Variants in VEGFC observed in about 807,000 individuals in gnomAD.
VEGFC encodes FLT4 ligand DHM.
VEGFC carries 12 observed loss-of-function variants against 46.1 expected under a neutral mutation model. That is an observed-to-expected ratio of 0.26 (90% CI 0.17 to 0.42). The LOEUF is 0.42. Among genes scored for constraint, VEGFC ranks in the 10% least tolerant of loss-of-function variants. The probability of loss-of-function intolerance (pLI) is 1.00; values close to 1 mark genes in which losing one functional copy is unlikely to be tolerated. For synonymous variants in VEGFC, 232 were observed against 195.5 expected (o/e 1.19, Z -1.56); for missense variants, 488 against 529.4 (o/e 0.92, Z 0.77).
intron 1 of VEGFC, among the ~76,000 whole-genome samples, chr4:176,743,409 T>C (rs1735208687): frequency 6.6e-6 from 1 of 151,804 alleles, no homozygotes; most frequent in African/African-American, 2.4e-5. Context: ...AATAGAATCA[T>C]AAAGTAAGCA....
intron 4 of VEGFC, among the ~76,000 whole-genome samples, chr4:176,710,125 T>C (rs915403708): frequency 6.6e-6 from 1 of 152,150 alleles, no homozygotes; most frequent in Non-Finnish European, 1.5e-5. Context: ...CTAATATAAT[T>C]ACAAGCAAAG....
intron 4 of VEGFC, chr4:176,689,538 T>C (rs1434410484): frequency 6.6e-6 from 1 of 152,224 alleles, no homozygotes; most frequent in East Asian, 1.9e-4. Flanking sequence ...CCTCTTCATA[T>C]GACAGTTTGT....
intron 1 of VEGFC, among the ~76,000 whole-genome samples, chr4:176,760,739 C>T (rs550281306): frequency 6.6e-6 from 1 of 152,236 alleles, no homozygotes; most frequent in Admixed American, 6.5e-5. Flanking sequence ...TGTGATATTG[C>T]CAAAGTCATA....
chr4:176,707,364 T>C (rs1734552160), intron 4 of VEGFC, among the ~76,000 whole-genome samples: 2 of 152,236 alleles, frequency 1.3e-5, no homozygotes, highest in Non-Finnish European at 2.9e-5. Flanking sequence ...GTGGTGGTGA[T>C]TGTTCCTCTT....
intron 4 of VEGFC, among the ~76,000 whole-genome samples, chr4:176,698,541 C>CA (rs1734365938): frequency 6.6e-6 from 1 of 151,652 alleles, no homozygotes; most frequent in African/African-American, 2.4e-5. Context: ...AAATGATTAC[C>CA]AAAATCAAGC....
chr4:176,742,659 C>T (rs903971933), intron 1 of VEGFC, among the ~76,000 whole-genome samples: 2 of 151,956 alleles, frequency 1.3e-5, no homozygotes, highest in Non-Finnish European at 2.9e-5. Context: ...CATAATAACT[C>T]TCTTGAAGGC....
intron 1 of VEGFC, among the ~76,000 whole-genome samples, chr4:176,734,983 A>C (rs890182021): frequency 2.0e-5 from 3 of 151,690 alleles, no homozygotes; most frequent in African/African-American, 7.3e-5. Flanking sequence ...CTGGCAAAGC[A>C]AATGTTTCTG....
chr4:176,746,411 G>A (rs1489750886), intron 1 of VEGFC, among the ~76,000 whole-genome samples: 2 of 152,054 alleles, frequency 1.3e-5, no homozygotes, highest in Non-Finnish European at 2.9e-5. Flanking sequence ...ATGTCCAGGA[G>A]CCACCAGCAA....
chr4:176,717,180 A>G (rs1323823570), intron 3 of VEGFC, among the ~76,000 whole-genome samples: 1 of 152,204 alleles, frequency 6.6e-6, no homozygotes, highest in East Asian at 1.9e-4. Context: ...AATACAATTC[A>G]TTATGAAGCC....
At chr4:176,744,035 CA>C (rs1193977339) in intron 1 of VEGFC, among the ~76,000 whole-genome samples, 1 of 151,942 alleles carries the variant, frequency 6.6e-6, no homozygotes, top group Non-Finnish European at 1.5e-5. Flanking sequence ...TATCCATTCT[CA>C]AATTCATTAC....
intron 3 of VEGFC, among the ~76,000 whole-genome samples, chr4:176,721,310 T>C (rs561970703): frequency 6.6e-6 from 1 of 152,292 alleles, no homozygotes; most frequent in East Asian, 1.9e-4. Context: ...GATGCTGGCC[T>C]AAGCAACCCA....
At chr4:176,732,651 T>C (rs1579111697) in intron 1 of VEGFC, among the ~76,000 whole-genome samples, 1 of 151,610 alleles carries the variant, frequency 6.6e-6, no homozygotes, top group South Asian at 2.1e-4. Context: ...AATGTAAACA[T>C]TGCTTAGCTA....
Position 176,792,460 on chromosome 4 carries a change from G to C in VEGFC, c.-149C>G. 1 of 535,460 alleles carries C rather than the reference G, an allele frequency of 1.9e-6. No homozygotes were observed. Among genetic ancestry groups the C allele is most frequent in the Non-Finnish European group, 3.0e-6 (1 of 337,788 alleles). The allele number at this position is 535,460 out of a possible 1,614,324, so 33.2% of individuals were successfully genotyped here. A position where few individuals can be genotyped will look rare whatever the true frequency, so the allele number is the denominator to read the frequency against. On this transcript the variant is annotated 5_prime_UTR_variant, in exon 1 of 7. Coordinates refer to ENST00000618562, the MANE Select transcript of VEGFC (RefSeq NM_005429.5). The surrounding 1 kb of genome is among the most constrained non-coding windows in gnomAD (Gnocchi z 6.3). The stretch of plus-strand genomic sequence containing the variant: ...CCTGGGCGAGCCGGAGGCGGCGGGA[G>C]CGGGTCCGGGGCTCCGCGTTCCCAA...
At chr4:176,693,058 A>C (rs1180794930) in intron 4 of VEGFC, among the ~76,000 whole-genome samples, 1 of 152,092 alleles carries the variant, frequency 6.6e-6, no homozygotes, top group African/African-American at 2.4e-5. Flanking sequence ...GAAAGTCTAA[A>C]AAGCAGAGTG....
chr4:176,780,862 A>G (rs1365460140), intron 1 of VEGFC, among the ~76,000 whole-genome samples: 2 of 152,144 alleles, frequency 1.3e-5, no homozygotes, highest in African/African-American at 4.8e-5. Context: ...ACAAAAAATC[A>G]CCAATTTTAA....
chr4:176,773,697 T>C (rs1735759997), intron 1 of VEGFC, among the ~76,000 whole-genome samples: 2 of 152,138 alleles, frequency 1.3e-5, no homozygotes, highest in African/African-American at 4.8e-5. Context: ...TTGTTGTTTT[T>C]TAAGAGACAG....
chr4:176,732,462 T>C (rs1734984427), intron 1 of VEGFC, among the ~76,000 whole-genome samples: 1 of 151,802 alleles, frequency 6.6e-6, no homozygotes, highest in African/African-American at 2.4e-5. Flanking sequence ...TACAGATTGG[T>C]TTGAGGAACC....
At chr4:176,751,213 C>A (rs1039655862) in intron 1 of VEGFC, among the ~76,000 whole-genome samples, 1 of 151,626 alleles carries the variant, frequency 6.6e-6, no homozygotes, top group Non-Finnish European at 1.5e-5. Flanking sequence ...AGCCAAAAAA[C>A]CAAACAAAAT....
At chr4:176,759,088 C>G (rs1366311992) in intron 1 of VEGFC, among the ~76,000 whole-genome samples, 3 of 152,072 alleles carry the variant, frequency 2.0e-5, no homozygotes, top group Non-Finnish European at 4.4e-5. Context: ...AAAATAATAC[C>G]TTACTGAAGT....
Sources: gnomAD v4.1 joint callset for allele counts (sites outside exome capture counted in the v4.1 genomes callset) on GRCh38, gnomAD v4.1.1 for gene constraint, Gnocchi (gnomAD v3.1) non-coding constraint, MANE v1.5 for transcripts, NCBI Gene and HGNC (gene_info 2026-07-23, HGNC 2026-07-21) for gene names.